XYLT1: variants seen among roughly 807,000 people sequenced by gnomAD.
XYLT1 encodes xylosyltransferase 1, also known as beta-D-xylosyltransferase 1.
In XYLT1, 36 loss-of-function variants were observed where a neutral mutation model predicts 91.3. The ratio of observed to expected loss-of-function variants is 0.39; its 90% CI spans 0.30 to 0.52. XYLT1 has a LOEUF of 0.52. XYLT1 is among the 20% of genes least tolerant of loss of function. XYLT1 has a pLI of 0.68. For synonymous variants in XYLT1, 588 were observed against 532.0 expected (o/e 1.11, Z -1.45); for missense variants, 1,242 against 1,284.5 (o/e 0.97, Z 0.51).
rs372154611 is a variant in XYLT1 at position 17,346,978 on chromosome 16, GAAAGGCAGTT to G, written c.402+11024_402+11033del. Among the ~76,000 whole-genome samples the G allele has an allele frequency of 1.8e-3, 267 of 152,254 alleles. 1 individual carries two copies. Among genetic ancestry groups the G allele is most frequent in the African/African-American group, 6.3e-3 (260 of 41,536 alleles). ...ATTATTAATAAGATACTCTTTTTCA[GAAAGGCAGTT>G]GAAGGCAGCGGGGAAGATCACATTG... On this transcript the variant is annotated intron_variant, in intron 2 of 11. Coordinates refer to ENST00000261381, the MANE Select transcript of XYLT1 (RefSeq NM_022166.4).
chr16:17,330,319 C>T (rs2034875211), intron 2 of XYLT1, among the ~76,000 whole-genome samples: 1 of 152,186 alleles, frequency 6.6e-6, no homozygotes, highest in Admixed American at 6.5e-5. Context: ...TCCACTCAAC[C>T]CCCAGAAGGA....
chr16:17,448,893 A>T (rs570061120), intron 1 of XYLT1, among the ~76,000 whole-genome samples: 1 of 152,300 alleles, frequency 6.6e-6, no homozygotes, highest in South Asian at 2.1e-4. Flanking sequence ...TGGGTTCATC[A>T]TCATCCCCAT....
intron 7 of XYLT1, chr16:17,138,751 T>TTCATAGCAATGCAAAAA: frequency 1.9e-6 from 1 of 515,260 alleles, no homozygotes; most frequent in African/African-American, 1.9e-5. Flanking sequence ...CAGATTTTCC[T>TTCATAGCAATGCAAAAA]TCATAGCAAT....
At chr16:17,461,763 G>C (rs1373799100) in intron 1 of XYLT1, among the ~76,000 whole-genome samples, 1 of 152,116 alleles carries the variant, frequency 6.6e-6, no homozygotes, top group Non-Finnish European at 1.5e-5. Context: ...GGTAGACTGA[G>C]AACACAGCCT....
At chr16:17,130,394 C>T (rs1012371666) in intron 9 of XYLT1, among the ~76,000 whole-genome samples, 4 of 152,158 alleles carry the variant, frequency 2.6e-5, no homozygotes, top group Admixed American at 2.0e-4. Flanking sequence ...TTTGCTGTTA[C>T]GGGAGTCAAA....
chr16:17,321,827 C>T (rs2034727801), intron 2 of XYLT1, among the ~76,000 whole-genome samples: 1 of 151,968 alleles, frequency 6.6e-6, no homozygotes. Flanking sequence ...CCTGGGAACC[C>T]CTGCACACAA....
At chr16:17,434,894 G>A (rs148188527) in intron 1 of XYLT1, among the ~76,000 whole-genome samples, 29 of 152,040 alleles carry the variant, frequency 1.9e-4, no homozygotes, top group African/African-American at 6.5e-4. Context: ...AGAAGAAGAA[G>A]AAGAATGGAA....
chr16:17,396,560 G>T (rs116647955), intron 1 of XYLT1, among the ~76,000 whole-genome samples: 1 of 152,166 alleles, frequency 6.6e-6, no homozygotes, highest in Non-Finnish European at 1.5e-5. Context: ...AATTCAGGGT[G>T]TTAGGGTAGT....
At chr16:17,330,686 C>T (rs945605097) in intron 2 of XYLT1, among the ~76,000 whole-genome samples, 4 of 151,660 alleles carry the variant, frequency 2.6e-5, no homozygotes, top group East Asian at 3.9e-4. Flanking sequence ...TCCAGCTACT[C>T]GGGAGGCTGA....
chr16:17,449,291 TTCTCACTGCTGTCTGCAGGA>T (rs1169850141), intron 1 of XYLT1, among the ~76,000 whole-genome samples: 3 of 152,262 alleles, frequency 2.0e-5, no homozygotes, highest in South Asian at 4.1e-4. Context: ...AGTAGCCAGC[TTCTCACTGCTGTCTGCAGGA>T]TCTCAGCAAT....
chr16:17,194,847 T>G (rs900634174), intron 5 of XYLT1, among the ~76,000 whole-genome samples: 1 of 152,244 alleles, frequency 6.6e-6, no homozygotes, highest in Admixed American at 6.5e-5. Flanking sequence ...TTGAAACAAG[T>G]GTCTGCCACA....
chr16:17,284,615 G>A (rs2034107389), intron 2 of XYLT1, among the ~76,000 whole-genome samples: 1 of 152,144 alleles, frequency 6.6e-6, no homozygotes, highest in Non-Finnish European at 1.5e-5. Flanking sequence ...CAGCAGGAAT[G>A]GTAAAAGCAA....
intron 3 of XYLT1, among the ~76,000 whole-genome samples, chr16:17,222,975 T>G (rs1350216302): frequency 2.7e-5 from 4 of 147,828 alleles, no homozygotes; most frequent in African/African-American, 7.6e-5. Context: ...TAGGCGCTGA[T>G]GAACTCACAC....
rs537071912 is a variant in XYLT1 at position 17,255,001 on chromosome 16, T to TC, written c.913+3986_913+3987insG. Among the ~76,000 whole-genome samples the TC allele has an allele frequency of 1.2e-4, 18 of 145,890 alleles. No homozygotes were observed. In the South Asian group the frequency reaches 2.9e-3, roughly 23 times the overall value. The stretch of plus-strand genomic sequence containing the variant: ...TTTTTCCTTTTTTTCTTTTTCTTTT[T>TC]TTTTTTTTTTTTTGAGATGGAGTCT... On this transcript the variant is annotated intron_variant, in intron 3 of 11. Transcript: ENST00000261381.
chr16:17,459,146 A>G (rs1310246655), intron 1 of XYLT1, among the ~76,000 whole-genome samples: 1 of 152,164 alleles, frequency 6.6e-6, no homozygotes, highest in Admixed American at 6.6e-5. Context: ...CTGAGGTGGG[A>G]GGATCACTTG....
chr16:17,157,947 C>G (rs1377306911), intron 6 of XYLT1, among the ~76,000 whole-genome samples: 1 of 152,172 alleles, frequency 6.6e-6, no homozygotes, highest in East Asian at 1.9e-4. Context: ...CAGGGTTTTA[C>G]CATGTTGGTC....
chr16:17,166,438 G>A (rs558846992), intron 5 of XYLT1, among the ~76,000 whole-genome samples: 19 of 152,198 alleles, frequency 1.2e-4, no homozygotes, highest in South Asian at 2.1e-4. Context: ...GGCCCGGTAT[G>A]CAGGGTTCAT....
rs373112956 is a variant in XYLT1 at position 17,240,646 on chromosome 16, C to A, written c.913+18342G>T. Among the ~76,000 whole-genome samples, 28 of 152,286 alleles carry A rather than the reference C, an allele frequency of 1.8e-4. No individual in the cohort carries two copies. In the East Asian group the frequency reaches 4.6e-3, roughly 25 times the overall value. On this transcript the variant is annotated intron_variant, in intron 3 of 11. Coordinates refer to ENST00000261381, the MANE Select transcript of XYLT1 (RefSeq NM_022166.4). ...CTAACCTTTTTCAAGCTCTTCGGGA[C>A]CAAGCCTGAACCAGCCTCAGTGGCC...
intron 2 of XYLT1, among the ~76,000 whole-genome samples, chr16:17,284,733 G>A (rs1380560072): frequency 6.6e-6 from 1 of 152,046 alleles, no homozygotes; most frequent in Non-Finnish European, 1.5e-5. Context: ...AGTGAGCTAC[G>A]ACTACACCAC....
Sources: allele counts gnomAD v4.1 joint callset (sites outside exome capture counted in the v4.1 genomes callset), GRCh38; gene constraint gnomAD v4.1.1; transcripts MANE v1.5; gene names NCBI Gene and HGNC (gene_info 2026-07-23, HGNC 2026-07-21).